Variants in MAGI2 observed in about 807,000 individuals in gnomAD.
MAGI2 encodes the protein membrane-associated guanylate kinase, WW and PDZ domain-containing protein 2.
In MAGI2, 35 loss-of-function variants were observed where a neutral mutation model predicts 133.3. The observed-to-expected ratio is 0.26, with a 90% CI of 0.20 to 0.35. The LOEUF (loss-of-function observed/expected upper bound fraction) is 0.35, where lower values mean the gene tolerates loss of function less well. Among genes scored for constraint, MAGI2 ranks in the 10% least tolerant of loss-of-function variants. MAGI2 has a pLI of 1.00. For missense variants in MAGI2, 1,636 were observed against 1,863.4 expected (o/e 0.88, Z 2.25); for synonymous variants, 729 against 710.6 (o/e 1.03, Z -0.41).
At chr7:79,146,234 G>C (rs923536886) in intron 1 of MAGI2, among the ~76,000 whole-genome samples, 16 of 152,174 alleles carry the variant, frequency 1.1e-4, no homozygotes, top group African/African-American at 3.9e-4. Context: ...TTAGCTTTCA[G>C]CAAACACAGA....
chr7:79,147,677 C>G (rs1262422581), intron 1 of MAGI2, among the ~76,000 whole-genome samples: 1 of 152,236 alleles, frequency 6.6e-6, no homozygotes, highest in Non-Finnish European at 1.5e-5. Flanking sequence ...CTTTCCCTCA[C>G]TTCACATCTT....
intron 3 of MAGI2, among the ~76,000 whole-genome samples, chr7:78,562,629 C>A (rs1236916626): frequency 6.6e-6 from 1 of 152,068 alleles, no homozygotes; most frequent in Non-Finnish European, 1.5e-5. Flanking sequence ...CATACTATAT[C>A]TAGTTGAGTG....
chr7:79,398,497 C>A (rs1479456261), intron 1 of MAGI2, among the ~76,000 whole-genome samples: 1 of 152,268 alleles, frequency 6.6e-6, no homozygotes, highest in East Asian at 1.9e-4. Context: ...CCTGTGATTT[C>A]CTGGATAAAA....
intron 1 of MAGI2, among the ~76,000 whole-genome samples, chr7:79,136,119 A>AAG (rs1189672562): frequency 6.7e-6 from 1 of 148,856 alleles, no homozygotes; most frequent in Non-Finnish European, 1.5e-5. Context: ...GAAAGAAAGA[A>AAG]AGAAAGAAAG....
At chr7:79,138,675 G>A (rs1269137019) in intron 1 of MAGI2, among the ~76,000 whole-genome samples, 3 of 152,100 alleles carry the variant, frequency 2.0e-5, no homozygotes, top group Non-Finnish European at 2.9e-5. Flanking sequence ...CCCTAAGGGT[G>A]GGGCCATAAT....
At chr7:78,616,173 C>T (rs1232882682) in intron 3 of MAGI2, 1 of 152,178 alleles carries the variant, frequency 6.6e-6, no homozygotes, top group Non-Finnish European at 1.5e-5. Flanking sequence ...TGAGAAAACA[C>T]ACATTCTAGT....
chr7:78,074,151 A>G (rs1044593415), intron 21 of MAGI2, among the ~76,000 whole-genome samples: 6 of 152,172 alleles, frequency 3.9e-5, no homozygotes, highest in African/African-American at 1.4e-4. Context: ...TCTACCTCTG[A>G]ATTGGCTGAG....
chr7:78,573,235 T>TATATATATATAA (rs1192104608), intron 3 of MAGI2, among the ~76,000 whole-genome samples: 3,536 of 50,816 alleles, frequency 0.07, 211 homozygotes, highest in Non-Finnish European at 0.096. Flanking sequence ...TAAATATAAA[T>TATATATATATAA]ATATATATAT....
intron 2 of MAGI2, among the ~76,000 whole-genome samples, chr7:78,992,692 A>G (rs1805906004): frequency 6.6e-6 from 1 of 151,966 alleles, no homozygotes; most frequent in African/African-American, 2.4e-5. Context: ...GCTTGTAGTC[A>G]TATTTTATTT....
At chr7:78,587,193 A>T (rs1248508858) in intron 3 of MAGI2, among the ~76,000 whole-genome samples, 1 of 152,096 alleles carries the variant, frequency 6.6e-6, no homozygotes, top group African/African-American at 2.4e-5. Context: ...TTATATTCTC[A>T]CCAGAAATGT....
intron 2 of MAGI2, among the ~76,000 whole-genome samples, chr7:78,935,227 C>T (rs577930308): frequency 1.6e-4 from 25 of 152,142 alleles, no homozygotes; most frequent in African/African-American, 5.1e-4. Flanking sequence ...GTTAGGAATC[C>T]GTATTATAAT....
chr7:78,371,540 C>A (rs1317691815), intron 6 of MAGI2, among the ~76,000 whole-genome samples: 1 of 151,942 alleles, frequency 6.6e-6, no homozygotes, highest in African/African-American at 2.4e-5. Context: ...GTACAATTAT[C>A]TTTTATAAAG....
At position 78,285,301 on chromosome 7, in the gene MAGI2, G is replaced by A. The variant is rs114959262; in HGVS notation, c.1409-28720C>T. Among the ~76,000 whole-genome samples, 1,281 of 152,162 alleles carry A rather than the reference G, an allele frequency of 8.4e-3. 21 individuals carry two copies. Among genetic ancestry groups the A allele is most frequent in the African/African-American group, 0.029 (1,217 of 41,504 alleles). Reference sequence around the variant, plus strand: ...GTATCCTTAGATTTTTGGTAAAATAGTTACATAATACAGTTACATAATTAT... The same window carrying A: ...GTATCCTTAGATTTTTGGTAAAATAATTACATAATACAGTTACATAATTAT... On this transcript the variant is annotated intron_variant, in intron 9 of 21. Transcript: ENST00000354212.
At chr7:78,091,313 G>A (rs1056770480) in intron 20 of MAGI2, among the ~76,000 whole-genome samples, 2 of 152,112 alleles carry the variant, frequency 1.3e-5, no homozygotes, top group African/African-American at 4.8e-5. Context: ...AAGGGCTTGC[G>A]GGAGTGGGTT....
At chr7:78,899,552 A>G (rs1268257121) in intron 2 of MAGI2, among the ~76,000 whole-genome samples, 2 of 152,190 alleles carry the variant, frequency 1.3e-5, no homozygotes, top group African/African-American at 2.4e-5. Context: ...AGTAGTCAAC[A>G]TAAGAGTACT....
chr7:78,496,710 T>C (rs1013597659), intron 5 of MAGI2, among the ~76,000 whole-genome samples: 1 of 152,296 alleles, frequency 6.6e-6, no homozygotes, highest in Middle Eastern at 3.4e-3. Context: ...CAAAGTCTCG[T>C]CTATGAAATG....
At chr7:78,579,342 G>A (rs901361429) in intron 3 of MAGI2, among the ~76,000 whole-genome samples, 9 of 152,188 alleles carry the variant, frequency 5.9e-5, no homozygotes, top group African/African-American at 2.2e-4. Context: ...TAGTGTGGGA[G>A]ACCAGGATAT....
intron 6 of MAGI2, among the ~76,000 whole-genome samples, chr7:78,482,175 T>C (rs1418183647): frequency 2.0e-5 from 3 of 151,830 alleles, no homozygotes; most frequent in African/African-American, 2.4e-5. Context: ...ATTAGGGAAA[T>C]GCAAATTAAA....
At chr7:79,309,968 T>TAAAAAAAAAAA (rs111847690) in intron 1 of MAGI2, among the ~76,000 whole-genome samples, 2 of 101,508 alleles carry the variant, frequency 2.0e-5, no homozygotes, top group Admixed American at 1.2e-4. Flanking sequence ...TTGTTTTTCC[T>TAAAAAAAAAAA]AAAAAAAAAA....
Sources: allele counts gnomAD v4.1 joint callset (sites outside exome capture counted in the v4.1 genomes callset), GRCh38; gene constraint gnomAD v4.1.1; transcripts MANE v1.5; gene names NCBI Gene and HGNC (gene_info 2026-07-23, HGNC 2026-07-21).